Variants in CFAP410 observed in about 807,000 individuals in gnomAD.
CFAP410 encodes the protein cilia- and flagella-associated protein 410.
In CFAP410, 27 loss-of-function variants were observed where a neutral mutation model predicts 25.7. That is an observed-to-expected ratio of 1.05 (90% confidence interval 0.77 to 1.45). The LOEUF is 1.45. CFAP410 is among the 40% of genes most tolerant of loss of function. The probability of loss-of-function intolerance (pLI) is 0.00; values close to 1 mark genes in which losing one functional copy is unlikely to be tolerated. For synonymous variants in CFAP410, 178 were observed against 158.4 expected (o/e 1.12, Z -0.93); for missense variants, 428 against 354.1 (o/e 1.21, Z -1.67).
At position 44,329,323 on chromosome 21, in the gene CFAP410, G is replaced by A. The variant is rs1477720380; in HGVS notation, c.*875C>T. Reference sequence around the variant, plus strand: ...AACCCCACATGGGACAAGGGCCCAGGGACCTGGCTTTCCTACACACCAGCT... The same window carrying A: ...AACCCCACATGGGACAAGGGCCCAGAGACCTGGCTTTCCTACACACCAGCT... On this transcript the variant is annotated 3_prime_UTR_variant, in exon 7 of 7. Transcript: ENST00000339818. 6.6e-6 allele frequency: 1 copy of A among 152,228 alleles called. No individual in the cohort carries two copies. The highest frequency in any genetic ancestry group is 1.5e-5 in the Non-Finnish European group (1 of 68,064). The allele number at this position is 152,228 out of a possible 1,614,324, so 9.4% of individuals were successfully genotyped here. A position where few individuals can be genotyped will look rare whatever the true frequency, so the allele number is the denominator to read the frequency against.
At chr21:44,334,403 G>T in intron 3 of CFAP410, 2 of 394,626 alleles carry the variant, frequency 5.1e-6, no homozygotes, top group South Asian at 3.6e-5. Context: ...TCCCTGTCAG[G>T]TAAGCCTTTC....
chr21:44,335,668 A>T, intron 3 of CFAP410, 90 bp downstream of exon 3: 2 of 1,003,512 alleles, frequency 2.0e-6, no homozygotes, highest in South Asian at 2.8e-5. Context: ...TTTCCAGGTT[A>T]TGTCACAGTG....
At chr21:44,333,659 A>G in intron 3 of CFAP410, 1 of 308,962 alleles carries the variant, frequency 3.2e-6, no homozygotes, top group South Asian at 4.3e-5. Context: ...AAAAACTAGG[A>G]GCCAGCTCCA....
At chr21:44,337,269 A>G (rs529274041) in intron 2 of CFAP410, among the ~76,000 whole-genome samples, 1 of 152,312 alleles carries the variant, frequency 6.6e-6, no homozygotes, top group African/African-American at 2.4e-5. Flanking sequence ...GTACAAGGCT[A>G]GATGTGACCA....
In CFAP410 at chr21:44,337,880, G is replaced by C. The variant is rs576614689; in HGVS notation, c.78-213C>G. On this transcript the variant is annotated intron_variant, in intron 1 of 6. Coordinates refer to ENST00000339818, the MANE Select transcript of CFAP410 (RefSeq NM_004928.3). ...CAACTAAACTGTATGTTTGACGTTG[G>C]GGTGGTACTTTTTAGATAAGGAGCA... Among the ~76,000 whole-genome samples, 166 of 152,254 alleles carry C rather than the reference G, an allele frequency of 1.1e-3. 2 individuals are homozygous for C. Among genetic ancestry groups the C allele is most frequent in the Non-Finnish European group, 1.4e-3 (94 of 68,018 alleles).
Position 44,333,449 on chromosome 21 carries a change from A to G in CFAP410, c.144-187T>C. On this transcript the variant is annotated intron_variant, in intron 3 of 6. Coordinates refer to ENST00000339818, the MANE Select transcript of CFAP410 (RefSeq NM_004928.3). ...CCGAGGAGAGAGCTGTAGGAAGGCCAGGCCCTGAACTCAAAGGCGGACTGG... is the reference window on the plus strand; with the variant it reads ...CCGAGGAGAGAGCTGTAGGAAGGCCGGGCCCTGAACTCAAAGGCGGACTGG... 5 of 606,584 alleles carry G rather than the reference A, an allele frequency of 8.2e-6. No individual in the cohort carries two copies. The Admixed American group carries it at 1.2e-4, about 14-fold the overall frequency. 37.6% of individuals were successfully genotyped at this position (606,584 alleles called of 1,614,324 possible).
At chr21:44,335,725 C>G in intron 3 of CFAP410, 33 bp downstream of exon 3, 1 of 1,563,232 alleles carries the variant, frequency 6.4e-7, no homozygotes, top group East Asian at 2.4e-5. Context: ...GCTTCCAGGC[C>G]CCAGGCTGAG....
Position 44,339,248 on chromosome 21 carries a change from G to T in CFAP410, c.-54C>A. Reference sequence around the variant, plus strand: ...GCCCCCGGCCTCCTGATCCCGGGCGGGTGACGACTGCGCGGCGCGTGTCTC... The same window carrying T: ...GCCCCCGGCCTCCTGATCCCGGGCGTGTGACGACTGCGCGGCGCGTGTCTC... On this transcript the variant is annotated 5_prime_UTR_variant, in exon 1 of 7. Transcript: ENST00000339818. The T allele has an allele frequency of 8.5e-7, 1 of 1,178,082 alleles. No individual in the cohort carries two copies. The highest frequency in any genetic ancestry group is 1.1e-6 in the Non-Finnish European group (1 of 881,984). 73.0% of individuals were successfully genotyped at this position (1,178,082 alleles called of 1,614,324 possible).
chr21:44,335,522 AG>A lies in CFAP410; in HGVS notation c.143+235del. On this transcript the variant is annotated intron_variant, in intron 3 of 6. Transcript: ENST00000339818. The stretch of plus-strand genomic sequence containing the variant: ...TGGGCAGGCGTACAGCAGGGCAGGC[AG>A]GGGACAGGAGCCATCAGGAGGCCCA... 3 of 582,460 alleles carry A rather than the reference AG, an allele frequency of 5.2e-6. No individual in the cohort carries two copies. The South Asian group carries it at 6.2e-5, about 12-fold the overall frequency. 36.1% of individuals were successfully genotyped at this position (582,460 alleles called of 1,614,324 possible). A position where few individuals can be genotyped will look rare whatever the true frequency, so the allele number is the denominator to read the frequency against.
chr21:44,333,566 C>T (rs1281258792), intron 3 of CFAP410: 15 of 505,920 alleles, frequency 3.0e-5, no homozygotes, highest in Non-Finnish European at 4.9e-5. Context: ...TGTGGCCCTC[C>T]TTCACAGGTG....
At chr21:44,338,086 G>T (rs2047787785) in intron 1 of CFAP410, 5 of 330,130 alleles carry the variant, frequency 1.5e-5, no homozygotes, top group Non-Finnish European at 2.8e-5. Flanking sequence ...CAGGGTTGTT[G>T]TTTCTCCCAG....
At position 44,332,590 on chromosome 21, in the gene CFAP410, C is replaced by T. The variant is rs535744249; in HGVS notation, c.373+443G>A. On this transcript the variant is annotated intron_variant, in intron 4 of 6. Transcript: ENST00000339818. ...GCGGTGCTGGGACGGCCCCTCCCCA[C>T]GGCAGGGGCGCGATGGCACCGCCAC... 2.6e-4 allele frequency: 46 copies of T among 175,226 alleles called. No homozygotes were observed. In the East Asian group the frequency reaches 3.4e-3, roughly 13 times the overall value. The allele number at this position is 175,226 out of a possible 1,614,324, so 10.9% of individuals were successfully genotyped here.
chr21:44,339,250 T>G lies in CFAP410; in HGVS notation c.-56A>C, dbSNP rs2146091710. 11 of 1,161,636 alleles carry G rather than the reference T, an allele frequency of 9.5e-6. No homozygotes were observed. Among genetic ancestry groups the G allele is most frequent in the Non-Finnish European group, 1.3e-5 (11 of 869,384 alleles). 72.0% of individuals were successfully genotyped at this position (1,161,636 alleles called of 1,614,324 possible). The stretch of plus-strand genomic sequence containing the variant: ...CCCCGGCCTCCTGATCCCGGGCGGG[T>G]GACGACTGCGCGGCGCGTGTCTCCA... On this transcript the variant is annotated 5_prime_UTR_variant, in exon 1 of 7. Transcript: ENST00000339818.
chr21:44,333,308 C>G (rs188379680), intron 3 of CFAP410, 46 bp from the exon 4 acceptor site: 8 of 1,476,212 alleles, frequency 5.4e-6, no homozygotes, highest in Non-Finnish European at 7.4e-6. Context: ...GCCAGGGCCC[C>G]CAGGGCCACC....
chr21:44,337,591 G>T (rs752140145), intron 2 of CFAP410, 58 bp downstream of exon 2: 25 of 1,496,216 alleles, frequency 1.7e-5, no homozygotes, highest in Non-Finnish European at 2.1e-5. Flanking sequence ...ACAACATTTG[G>T]GTTGAGGCTA....
At chr21:44,331,754 CAGCTCACGGGA>C in intron 5 of CFAP410, 78 bp downstream of exon 5, 1 of 1,249,834 alleles carries the variant, frequency 8.0e-7, no homozygotes, top group African/African-American at 1.5e-5. Context: ...CCCAGAGACG[CAGCTCACGGGA>C]AGCCCCATTC....
chr21:44,333,270 G>T lies in CFAP410; in HGVS notation c.144-8C>A. ...GTGGAGATGCTGTTGACACTGCACGGAGACCAGCACAGTCAGCGAGGGACG... is the reference window on the plus strand; with the variant it reads ...GTGGAGATGCTGTTGACACTGCACGTAGACCAGCACAGTCAGCGAGGGACG... On this transcript the variant is annotated splice_polypyrimidine_tract_variant and splice_region_variant and intron_variant, in intron 3 of 6. Coordinates refer to ENST00000339818, the MANE Select transcript of CFAP410 (RefSeq NM_004928.3). 6.2e-7 allele frequency: 1 copy of T among 1,605,848 alleles called. No individual in the cohort carries two copies.
chr21:44,333,085 G>A lies in CFAP410; in HGVS notation c.321C>T (p.Tyr107=). ...NPCCGTSPHR[Y]RMTVLRTLPR... is the part of the protein sequence containing the mutation. ...GCAGGGTGCGCAGCACGGTCATGCGGTAGCGGTGGGGGCTGGTGCCGCAGC... is the reference window on the plus strand; with the variant it reads ...GCAGGGTGCGCAGCACGGTCATGCGATAGCGGTGGGGGCTGGTGCCGCAGC... Residue 107 remains tyrosine (Y), a synonymous_variant, in exon 4 of 7, where the codon TAC becomes TAT. Coordinates refer to ENST00000339818, the MANE Select transcript of CFAP410 (RefSeq NM_004928.3). The A allele has an allele frequency of 6.2e-7, 1 of 1,609,878 alleles. No individual in the cohort carries two copies.
chr21:44,330,986 C>T, intron 5 of CFAP410, 67 bp from the exon 6 acceptor site: 4 of 1,376,590 alleles, frequency 2.9e-6, no homozygotes, highest in Non-Finnish European at 3.9e-6. Flanking sequence ...TCTGCAAACC[C>T]TGTCTGCGGG....
Sources: gnomAD v4.1 joint callset for allele counts (sites outside exome capture counted in the v4.1 genomes callset) on GRCh38, gnomAD v4.1.1 for gene constraint, MANE v1.5 for transcripts, NCBI Gene and HGNC (gene_info 2026-07-23, HGNC 2026-07-21) for gene names.